Variants in CLCN7 observed in about 807,000 individuals in gnomAD.
CLCN7 encodes H(+)/Cl(-) exchange transporter 7.
Under a neutral mutation model 102.1 loss-of-function variants are expected in CLCN7, and 60 were observed. That is an observed-to-expected ratio of 0.59 (90% confidence interval 0.48 to 0.73). CLCN7 has a LOEUF of 0.73. Ranked by LOEUF, CLCN7 falls within the 30% of genes least tolerant of loss-of-function variation. The pLI, the probability that CLCN7 is intolerant of heterozygous loss-of-function variation, is 0.00. For missense variants in CLCN7, 962 were observed against 1,125.7 expected (o/e 0.85, Z 2.08); for synonymous variants, 560 against 490.5 (o/e 1.14, Z -1.87).
intron 1 of CLCN7, among the ~76,000 whole-genome samples, chr16:1,470,144 C>G (rs568093270): frequency 6.6e-6 from 1 of 152,204 alleles, no homozygotes. Context: ...ACTGCACTCA[C>G]GGATGATTAA....
intron 6 of CLCN7, chr16:1,459,413 G>A: frequency 1.9e-6 from 1 of 517,566 alleles, no homozygotes; most frequent in Non-Finnish European, 3.5e-6. Context: ...CCCCAGGGAA[G>A]GGGAGCTCAG....
rs2142367954 is a variant in CLCN7, at chr16:1,448,752, C to A, written c.1812G>T (p.Met604Ile). Residue 604 changes from methionine (M) to isoleucine (I), a missense_variant, in exon 20 of 25, where the codon ATG (methionine) becomes ATT (isoleucine). Met to Ile is a conservative substitution (Grantham distance 10). Around this residue, in one of 2 missense-constraint regions of CLCN7, gnomAD observed 799 missense variants for 988.0 expected, o/e 0.81. Transcript: ENST00000382745. ...AGGGCACACTCTGCAGCTGAATGTGCATGTCGTACAGGCCCTGCGGGCGGG... is the reference window on the plus strand; with the variant it reads ...AGGGCACACTCTGCAGCTGAATGTGAATGTCGTACAGGCCCTGCGGGCGGG... ...GDVFIEGLYD[M>I]HIQLQSVPFL... 1 of 1,612,316 alleles carries A rather than the reference C, an allele frequency of 6.2e-7. No homozygotes were observed. The highest frequency in any genetic ancestry group is 2.2e-5 in the East Asian group (1 of 44,866).
Position 1,465,554 on chromosome 16 carries a change from C to G in CLCN7, c.142-216G>C, listed in dbSNP as rs1033485901. On this transcript the variant is annotated intron_variant, in intron 1 of 24. Coordinates refer to ENST00000382745, the MANE Select transcript of CLCN7 (RefSeq NM_001287.6). Reference sequence around the variant, plus strand: ...CTGATCCGGCTGCCCCTCGGCCTGTCAGCGACACGTCCAGCCCGAGTCCAG... The same window carrying G: ...CTGATCCGGCTGCCCCTCGGCCTGTGAGCGACACGTCCAGCCCGAGTCCAG... 2.6e-5 allele frequency among the ~76,000 whole-genome samples: 4 copies of G among 152,218 alleles called. No homozygotes were observed. In the East Asian group the frequency reaches 5.8e-4, roughly 22 times the overall value.
intron 1 of CLCN7, among the ~76,000 whole-genome samples, chr16:1,473,226 G>A (rs2039101736): frequency 6.6e-6 from 1 of 152,036 alleles, no homozygotes; most frequent in Non-Finnish European, 1.5e-5. Context: ...GAGCAGGAGG[G>A]CCCACTTCAA....
rs765874954 is a variant in CLCN7 at position 1,457,655 on chromosome 16, C to T, written c.738+39G>A. On this transcript the variant is annotated intron_variant, in intron 8 of 24. Coordinates refer to ENST00000382745, the MANE Select transcript of CLCN7 (RefSeq NM_001287.6). The surrounding 1 kb of genome is among the most constrained non-coding windows in gnomAD (Gnocchi z 5.4). ...TGGCGGCCCTCGCGGGCCCGGCGGC[C>T]TCAGGCTCCAGCTGGAGTGGCCATG... The T allele has an allele frequency of 1.0e-4, 166 of 1,610,104 alleles. No homozygotes were observed. The highest frequency in any genetic ancestry group is 1.2e-4 in the Non-Finnish European group (146 of 1,177,900).
chr16:1,465,763 C>G (rs528364402), intron 1 of CLCN7, among the ~76,000 whole-genome samples: 14 of 152,364 alleles, frequency 9.2e-5, no homozygotes, highest in African/African-American at 2.9e-4. Flanking sequence ...CCACTGCAGC[C>G]TCTCTGGGTC....
chr16:1,460,084 C>A (rs2038908991), intron 6 of CLCN7, among the ~76,000 whole-genome samples: 1 of 151,994 alleles, frequency 6.6e-6, no homozygotes, highest in Non-Finnish European at 1.5e-5. Flanking sequence ...CTCTTCCCAG[C>A]CCAGACACAG....
rs1438872021 is a variant in CLCN7, at chr16:1,474,938, G to A, written c.37C>T (p.Arg13Trp). 6.7e-7 allele frequency: 1 copy of A among 1,485,618 alleles called. No individual in the cohort carries two copies. Among genetic ancestry groups the A allele is most frequent in the South Asian group, 1.3e-5 (1 of 79,230 alleles). 92.0% of individuals were successfully genotyped at this position (1,485,618 alleles called of 1,614,324 possible). A position where few individuals can be genotyped will look rare whatever the true frequency, so the allele number is the denominator to read the frequency against. ...GCCGCCTCCTCGTCGTCCCGGTCCC[G>A]GCCGGACCAGGACACCTTCTTAGAG... ...NVSKKVSWSGRDRDDEEAAPL... is the reference protein window; with the variant it reads ...NVSKKVSWSGWDRDDEEAAPL... Residue 13 changes from arginine to tryptophan, a missense_variant, in exon 1 of 25, where the codon CGG becomes TGG. Arg to Trp is a moderately radical substitution (Grantham distance 101). Coordinates refer to ENST00000382745, the MANE Select transcript of CLCN7 (RefSeq NM_001287.6).
chr16:1,454,299 G>A, intron 13 of CLCN7, 112 bp downstream of exon 13: 1 of 1,132,956 alleles, frequency 8.8e-7, no homozygotes, highest in African/African-American at 1.5e-5. Context: ...GGGTGGCCCT[G>A]GGATGAGGGC....
chr16:1,473,395 G>A (rs80282781), intron 1 of CLCN7, among the ~76,000 whole-genome samples: 1 of 9,520 alleles, frequency 1.1e-4, no homozygotes, highest in Non-Finnish European at 2.2e-4. Flanking sequence ...TTTTTTTTTT[G>A]AGACGGAGTC....
At chr16:1,474,129 T>G (rs1037276590) in intron 1 of CLCN7, 1 of 454,796 alleles carries the variant, frequency 2.2e-6, no homozygotes, top group South Asian at 1.6e-5. Flanking sequence ...GGGAAACAAA[T>G]GTACCCGCAA....
At position 1,445,250 on chromosome 16, in the gene CLCN7, C is replaced by G. The variant is rs2142361538; in HGVS notation, c.*1381G>C. 6.6e-6 allele frequency: 1 copy of G among 152,354 alleles called. No homozygotes were observed. The highest frequency in any genetic ancestry group is 1.5e-5 in the Non-Finnish European group (1 of 68,070). 9.4% of individuals were successfully genotyped at this position (152,354 alleles called of 1,614,324 possible). A position where few individuals can be genotyped will look rare whatever the true frequency, so the allele number is the denominator to read the frequency against. ...CGCTGTCTTTCACGCCTTTCTCACT[C>G]CACACGGTGCCCCGACCCCAGGGTC... On this transcript the variant is annotated 3_prime_UTR_variant, in exon 25 of 25. Coordinates refer to ENST00000382745, the MANE Select transcript of CLCN7 (RefSeq NM_001287.6).
At chr16:1,465,240 G>A (rs774512320) in intron 2 of CLCN7, 27 bp downstream of exon 2, 1 of 1,604,728 alleles carries the variant, frequency 6.2e-7, no homozygotes. Flanking sequence ...TAGCTCTGCG[G>A]GAGGACGGGG....
At chr16:1,456,289 G>T in intron 9 of CLCN7, 83 bp from the exon 10 acceptor site, 1 of 1,014,436 alleles carries the variant, frequency 9.9e-7, no homozygotes, top group Non-Finnish European at 1.5e-6. Context: ...CAGGACAGGG[G>T]CTGTGCAGGG....
chr16:1,457,941 C>T lies in CLCN7; in HGVS notation c.676-185G>A, dbSNP rs576343148. On this transcript the variant is annotated intron_variant, in intron 7 of 24. Coordinates refer to ENST00000382745, the MANE Select transcript of CLCN7 (RefSeq NM_001287.6). This position sits in a 1 kb window ranked among gnomAD's most constrained non-coding sequence, Gnocchi z 5.4. The stretch of plus-strand genomic sequence containing the variant: ...ACAGTGGAGCTAAACAGCAGCCAAG[C>T]GTCCCCCGCACTCACTCGGGGGACC... Among the ~76,000 whole-genome samples, 31 of 152,186 alleles carry T rather than the reference C, an allele frequency of 2.0e-4. No individual in the cohort carries two copies. The highest frequency in any genetic ancestry group is 3.9e-4 in the Admixed American group (6 of 15,288).
chr16:1,445,434 C>T lies in CLCN7; in HGVS notation c.*1197G>A, dbSNP rs565215279. 3.9e-5 allele frequency: 6 copies of T among 152,454 alleles called. No individual in the cohort carries two copies. In the East Asian group the frequency reaches 9.6e-4, roughly 24 times the overall value. The allele number at this position is 152,454 out of a possible 1,614,324, so 9.4% of individuals were successfully genotyped here. On this transcript the variant is annotated 3_prime_UTR_variant, in exon 25 of 25. Coordinates refer to ENST00000382745, the MANE Select transcript of CLCN7 (RefSeq NM_001287.6). ...TAAGCAGGGTGGTGGCGTCAGCTCCCGGGGAGGCCCCACTCCCTGGGGAGG... is the reference window on the plus strand; with the variant it reads ...TAAGCAGGGTGGTGGCGTCAGCTCCTGGGGAGGCCCCACTCCCTGGGGAGG...
At chr16:1,448,054 C>A (rs1408682883) in intron 21 of CLCN7, among the ~76,000 whole-genome samples, 1 of 152,222 alleles carries the variant, frequency 6.6e-6, no homozygotes, top group Non-Finnish European at 1.5e-5. Flanking sequence ...AAAAGACACA[C>A]AGCAGTGGCC....
At chr16:1,455,621 G>T in intron 11 of CLCN7, 110 bp downstream of exon 11, 2 of 1,165,248 alleles carry the variant, frequency 1.7e-6, no homozygotes, top group Non-Finnish European at 2.5e-6. Flanking sequence ...ACCCACAGGG[G>T]GTCCAGCTCC....
chr16:1,445,629 C>A lies in CLCN7; in HGVS notation c.*1002G>T, dbSNP rs1460849866. ...GGGCCCTCAGGTGGTGAGGTGGGGGCTTCCCGGCCCCGGTGCCCACCGGCC... is the reference window on the plus strand; with the variant it reads ...GGGCCCTCAGGTGGTGAGGTGGGGGATTCCCGGCCCCGGTGCCCACCGGCC... On this transcript the variant is annotated 3_prime_UTR_variant, in exon 25 of 25. Coordinates refer to ENST00000382745, the MANE Select transcript of CLCN7 (RefSeq NM_001287.6). 1 of 152,536 alleles carries A rather than the reference C, an allele frequency of 6.6e-6. No homozygotes were observed. The highest frequency in any genetic ancestry group is 1.5e-5 in the Non-Finnish European group (1 of 68,292). 9.4% of individuals were successfully genotyped at this position (152,536 alleles called of 1,614,324 possible).
Sources: allele counts gnomAD v4.1 joint callset (sites outside exome capture counted in the v4.1 genomes callset), GRCh38; gene constraint gnomAD v4.1.1; regional missense constraint gnomAD v4.1.1; non-coding constraint Gnocchi (gnomAD v3.1); transcripts MANE v1.5; gene names NCBI Gene and HGNC (gene_info 2026-07-23, HGNC 2026-07-21).